The following NRXN3 variants were observed in gnomAD, a reference collection of about 807,000 sequenced individuals.
NRXN3 encodes the protein neurexin III.
A neutral mutation model predicts 137.6 loss-of-function variants in NRXN3; 32 were observed. The observed-to-expected ratio is 0.23, with a 90% CI of 0.18 to 0.31. NRXN3 has a LOEUF of 0.31. Among genes scored for constraint, NRXN3 ranks in the 10% least tolerant of loss-of-function variants. NRXN3 has a pLI of 1.00. For synonymous variants in NRXN3, 798 were observed against 784.5 expected, an observed-to-expected ratio of 1.02 and a Z score of -0.29; for missense variants, 1,574 against 2,062.5, an observed-to-expected ratio of 0.76 and a Z score of 4.59.
chr14:78,390,537 C>T (rs912853391), intron 4 of NRXN3, among the ~76,000 whole-genome samples: 21 of 152,266 alleles, frequency 1.4e-4, no homozygotes, highest in African/African-American at 4.6e-4. Flanking sequence ...CTCGCCTTTA[C>T]CTTATTAGTA....
intron 15 of NRXN3, chr14:79,248,483 C>G (rs1310180048): frequency 6.6e-6 from 1 of 152,456 alleles, no homozygotes; most frequent in African/African-American, 2.4e-5. Context: ...ATACCTCTGG[C>G]CCCCCAGCTT....
At chr14:78,809,202 G>A (rs1253310563) in intron 9 of NRXN3, among the ~76,000 whole-genome samples, 1 of 152,050 alleles carries the variant, frequency 6.6e-6, no homozygotes, top group East Asian at 1.9e-4. Context: ...GCTGATCTCT[G>A]GCACAGAATA....
In NRXN3 at chr14:79,514,660, C is replaced by T. The variant is rs142452993; in HGVS notation, c.3444+47258C>T. ...AATTTTAAAGAATCAGGAGTGATTA[C>T]GTGCATCACAACTTTCAGGTTAAAT... On this transcript the variant is annotated intron_variant, in intron 16 of 20. Coordinates refer to ENST00000335750, the MANE Select transcript of NRXN3 (RefSeq NM_001330195.2). Among the ~76,000 whole-genome samples the T allele has an allele frequency of 3.7e-4, 57 of 152,190 alleles. No individual in the cohort carries two copies. In the East Asian group the frequency reaches 8.3e-3, roughly 22 times the overall value.
chr14:78,959,055 A>G (rs2099402955), intron 11 of NRXN3, among the ~76,000 whole-genome samples: 1 of 152,136 alleles, frequency 6.6e-6, no homozygotes, highest in African/African-American at 2.4e-5. Context: ...ATATTCTGTA[A>G]TTTGGGGTCT....
chr14:79,042,608 A>T (rs1263316693), intron 15 of NRXN3, among the ~76,000 whole-genome samples: 1 of 152,196 alleles, frequency 6.6e-6, no homozygotes, highest in Admixed American at 6.5e-5. Context: ...TAATAAATAG[A>T]ATGGGAGTAT....
chr14:79,247,723 A>T (rs74561268), intron 15 of NRXN3, among the ~76,000 whole-genome samples: 8,651 of 152,018 alleles, frequency 0.057, 671 homozygotes, highest in African/African-American at 0.17. Context: ...TATGTATGTA[A>T]TTTATGAAGT....
intron 15 of NRXN3, among the ~76,000 whole-genome samples, chr14:79,042,065 G>A (rs1440364553): frequency 1.3e-5 from 2 of 152,120 alleles, no homozygotes; most frequent in Non-Finnish European, 2.9e-5. Context: ...AAGTTAGCCC[G>A]GTAGGGTATT....
chr14:78,478,764 G>A (rs879657151), intron 4 of NRXN3, among the ~76,000 whole-genome samples: 1 of 152,166 alleles, frequency 6.6e-6, no homozygotes, highest in Non-Finnish European at 1.5e-5. Context: ...AGAAGACCGA[G>A]GGTAGGTAGC....
intron 16 of NRXN3, among the ~76,000 whole-genome samples, chr14:79,626,889 C>A (rs568597513): frequency 3.3e-5 from 5 of 152,200 alleles, no homozygotes; most frequent in East Asian, 1.9e-4. Context: ...GGAACCAATA[C>A]AAAGTGTTAG....
intron 4 of NRXN3, among the ~76,000 whole-genome samples, chr14:78,454,968 A>G (rs1263114914): frequency 6.6e-6 from 1 of 152,194 alleles, no homozygotes; most frequent in Non-Finnish European, 1.5e-5. Flanking sequence ...CCAGGGGCAT[A>G]GCCATGAACT....
At chr14:79,604,534 C>T (rs888319245) in intron 16 of NRXN3, among the ~76,000 whole-genome samples, 5 of 145,320 alleles carry the variant, frequency 3.4e-5, no homozygotes, top group Non-Finnish European at 7.5e-5. Context: ...TGCTCCCGGA[C>T]TTTTTTTTTT....
At chr14:78,189,233 A>G (rs1031169084) in intron 1 of NRXN3, among the ~76,000 whole-genome samples, 1 of 152,140 alleles carries the variant, frequency 6.6e-6, no homozygotes, top group Non-Finnish European at 1.5e-5. Context: ...CCACTTGCCT[A>G]GATGTCTGCA....
intron 3 of NRXN3, chr14:78,279,572 A>G (rs1399980135): frequency 6.6e-6 from 1 of 152,198 alleles, no homozygotes; most frequent in African/African-American, 2.4e-5. Flanking sequence ...CGAGATAAGT[A>G]TCATTATATT....
chr14:78,415,684 G>C (rs1220319497), intron 4 of NRXN3, among the ~76,000 whole-genome samples: 1 of 152,048 alleles, frequency 6.6e-6, no homozygotes, highest in Non-Finnish European at 1.5e-5. Flanking sequence ...TTGCTATGTC[G>C]AAGCCCTTAT....
Position 78,479,158 on chromosome 14 carries a change from G to A in NRXN3, c.758-165962G>A, listed in dbSNP as rs75010253. On this transcript the variant is annotated intron_variant, in intron 4 of 20. Coordinates refer to ENST00000335750, the MANE Select transcript of NRXN3 (RefSeq NM_001330195.2). ...TCTTGGCTACACATTAGAATCACCT[G>A]GCGAACTTTAAAAATTACCAATGCC... is the stretch of plus-strand genomic sequence containing the variant. Among the ~76,000 whole-genome samples, 957 of 152,276 alleles carry A rather than the reference G, an allele frequency of 6.3e-3. 7 individuals are homozygous for A. Among genetic ancestry groups the A allele is most frequent in the African/African-American group, 0.022 (903 of 41,532 alleles).
At chr14:79,308,748 T>C (rs562681144) in intron 15 of NRXN3, among the ~76,000 whole-genome samples, 32 of 151,324 alleles carry the variant, frequency 2.1e-4, no homozygotes, top group East Asian at 1.9e-3. Context: ...TAGAAACTAA[T>C]ATCACTAAGA....
At chr14:79,402,176 T>A (rs190930843) in intron 15 of NRXN3, among the ~76,000 whole-genome samples, 1 of 152,320 alleles carries the variant, frequency 6.6e-6, no homozygotes, top group Admixed American at 6.5e-5. Flanking sequence ...GCTCAAGTGA[T>A]CCTCCCACCT....
chr14:79,279,352 A>G lies in NRXN3; in HGVS notation c.3263-187869A>G, dbSNP rs367999161. 215 of 985,842 alleles carry G rather than the reference A, an allele frequency of 2.2e-4. No homozygotes were observed. The Middle Eastern group carries it at 2.6e-3, about 12-fold the overall frequency. The allele number at this position is 985,842 out of a possible 1,614,324, so 61.1% of individuals were successfully genotyped here. A position where few individuals can be genotyped will look rare whatever the true frequency, so the allele number is the denominator to read the frequency against. The stretch of plus-strand genomic sequence containing the variant: ...TGCGCTATTTGCATATGACTTGCCC[A>G]TTTGTGAATTTGGCTCCCCAACTCC... On this transcript the variant is annotated intron_variant, in intron 15 of 20. Coordinates refer to ENST00000335750, the MANE Select transcript of NRXN3 (RefSeq NM_001330195.2).
intron 15 of NRXN3, chr14:79,072,653 C>A (rs2099689441): frequency 6.6e-6 from 1 of 152,086 alleles, no homozygotes; most frequent in Non-Finnish European, 1.5e-5. Flanking sequence ...ATAATTTAGG[C>A]CTATTTCATA....
Sources: gnomAD v4.1 joint callset for allele counts (sites outside exome capture counted in the v4.1 genomes callset) on GRCh38, gnomAD v4.1.1 for gene constraint, MANE v1.5 for transcripts, NCBI Gene and HGNC (gene_info 2026-07-23, HGNC 2026-07-21) for gene names.